The following FADD variants were observed in gnomAD, a reference collection of about 807,000 sequenced individuals.
FADD encodes the protein Fas associated via death domain.
In FADD, 3 loss-of-function variants were observed where a neutral mutation model predicts 5.8. The ratio of observed to expected loss-of-function variants is 0.52; its 90% confidence interval spans 0.24 to 1.34. The LOEUF is 1.34. FADD is among the 40% of genes most tolerant of loss of function. FADD has a pLI of 0.17. For synonymous variants in FADD, 138 were observed against 130.8 expected, an observed-to-expected ratio of 1.06 and a Z score of -0.38; for missense variants, 249 against 286.7, an observed-to-expected ratio of 0.87 and a Z score of 0.95.
Position 70,203,762 on chromosome 11 carries a change from G to A in FADD, c.286+17G>A. Reference sequence around the variant, plus strand: ...GGGAAGAAGGTGGGCGCGGGGCCGGGCCGGGGGAGCCAGGGCCTGGTCGCC... The same window carrying A: ...GGGAAGAAGGTGGGCGCGGGGCCGGACCGGGGGAGCCAGGGCCTGGTCGCC... On this transcript the variant is annotated intron_variant, in intron 1 of 1. Transcript: ENST00000301838. The A allele has an allele frequency of 8.0e-7, 1 of 1,246,390 alleles. No individual in the cohort carries two copies. The highest frequency in any genetic ancestry group is 1.0e-6 in the Non-Finnish European group (1 of 968,444). 77.2% of individuals were successfully genotyped at this position (1,246,390 alleles called of 1,614,324 possible).
intron 1 of FADD, among the ~76,000 whole-genome samples, chr11:70,204,221 T>G (rs925105479): frequency 2.0e-5 from 3 of 152,240 alleles, no homozygotes; most frequent in Non-Finnish European, 2.9e-5. Context: ...TACTGTTAGC[T>G]ATCACTGTTC....
intron 1 of FADD, among the ~76,000 whole-genome samples, chr11:70,205,200 C>G (rs565900939): frequency 3.9e-5 from 6 of 152,294 alleles, no homozygotes; most frequent in Admixed American, 3.3e-4. Context: ...CAAGCAGCAC[C>G]CTGTCCTGCC....
rs565835284 is a variant in FADD, at chr11:70,203,404, G to A, written c.-56G>A. Reference sequence around the variant, plus strand: ...GACCTGGCCAGGGCCAGCGAGCCGAGGACAGAGGGCGCACGGAGGGCCGGG... The same window carrying A: ...GACCTGGCCAGGGCCAGCGAGCCGAAGACAGAGGGCGCACGGAGGGCCGGG... On this transcript the variant is annotated 5_prime_UTR_variant, in exon 1 of 2. Coordinates refer to ENST00000301838, the MANE Select transcript of FADD (RefSeq NM_003824.4). The A allele has an allele frequency of 4.3e-4, 670 of 1,547,166 alleles. 2 individuals carry two copies. The African/African-American group carries it at 8.3e-3, about 19-fold the overall frequency.
At chr11:70,205,450 A>G (rs978392851) in intron 1 of FADD, among the ~76,000 whole-genome samples, 5 of 152,206 alleles carry the variant, frequency 3.3e-5, no homozygotes, top group African/African-American at 1.2e-4. Flanking sequence ...CTCAATCTGG[A>G]GGCCAGAAAT....
chr11:70,204,027 G>C (rs2049441875), intron 1 of FADD, among the ~76,000 whole-genome samples: 1 of 151,912 alleles, frequency 6.6e-6, no homozygotes, highest in Non-Finnish European at 1.5e-5. Context: ...CAGAGAAGGT[G>C]TGGGGGAGGG....
rs2049458574 is a variant in FADD at position 70,206,250 on chromosome 11, G to A, written c.404G>A (p.Arg135His). Residue 135 changes from arginine (R) to histidine (H), a missense_variant, in exon 2 of 2, where the codon CGC (arginine) becomes CAC (histidine). By Grantham distance (29) the Arg-to-His change is conservative. Coordinates refer to ENST00000301838, the MANE Select transcript of FADD (RefSeq NM_003824.4). The part of the protein sequence containing the change: ...KIDSIEDRYP[R>H]NLTERVRESL... Reference sequence around the variant, plus strand: ...GACAGCATCGAGGACAGATACCCCCGCAACCTGACAGAGCGTGTGCGGGAG... The same window carrying A: ...GACAGCATCGAGGACAGATACCCCCACAACCTGACAGAGCGTGTGCGGGAG... 3 of 1,614,142 alleles carry A rather than the reference G, an allele frequency of 1.9e-6. No individual in the cohort carries two copies. The highest frequency in any genetic ancestry group is 2.5e-6 in the Non-Finnish European group (3 of 1,180,026).
rs2049462397 is a variant in FADD at position 70,206,487 on chromosome 11, T to TG, written c.*15dup. 1 of 1,606,270 alleles carries TG rather than the reference T, an allele frequency of 6.2e-7. No individual in the cohort carries two copies. Among genetic ancestry groups the TG allele is most frequent in the African/African-American group, 1.4e-5 (1 of 73,608 alleles). ...GAAGCGTCCTGATGGGCCGCTGCTT[T>TG]GCGCTGGTGGACCACAGGCATCTAC... is the stretch of plus-strand genomic sequence containing the variant. On this transcript the variant is annotated 3_prime_UTR_variant, in exon 2 of 2. Coordinates refer to ENST00000301838, the MANE Select transcript of FADD (RefSeq NM_003824.4).
At chr11:70,205,208 G>A (rs1261126020) in intron 1 of FADD, among the ~76,000 whole-genome samples, 1 of 152,174 alleles carries the variant, frequency 6.6e-6, no homozygotes, top group East Asian at 1.9e-4. Flanking sequence ...ACCCTGTCCT[G>A]CCTCTCCTTT....
At position 70,206,788 on chromosome 11, in the gene FADD, GAGCAGTCACA is replaced by G; in HGVS notation, c.*316_*325del. ...CAGCACAGAAGGAATCTGTGCAGATGAGCAGTCACACTGTTACTCCACAGCGGAGGAGACC... is the reference window on the plus strand; with the variant it reads ...CAGCACAGAAGGAATCTGTGCAGATGCTGTTACTCCACAGCGGAGGAGACC... On this transcript the variant is annotated 3_prime_UTR_variant, in exon 2 of 2. Transcript: ENST00000301838. The G allele has an allele frequency of 2.5e-6, 1 of 402,052 alleles. No individual in the cohort carries two copies. 24.9% of individuals were successfully genotyped at this position (402,052 alleles called of 1,614,324 possible). A position where few individuals can be genotyped will look rare whatever the true frequency, so the allele number is the denominator to read the frequency against.
At chr11:70,206,086 G>C (rs370851505) in intron 1 of FADD, 47 bp from the exon 2 acceptor site, 10 of 1,530,342 alleles carry the variant, frequency 6.5e-6, no homozygotes, top group Non-Finnish European at 9.0e-6. Context: ...TTGTGGGGTC[G>C]CTTGTCTCCA....
Position 70,206,271 on chromosome 11 carries a change from G to A in FADD, c.425G>A (p.Arg142Gln), listed in dbSNP as rs765928771. The change falls in exon 2 of 2, where the codon CGG becomes CAG. Residue 142 changes from arginine to glutamine, a missense_variant. Transcript: ENST00000301838. ...RYPRNLTERV[R>Q]ESLRIWKNTE... ...CCCCGCAACCTGACAGAGCGTGTGC[G>A]GGAGTCACTGAGAATCTGGAAGAAC... is the stretch of plus-strand genomic sequence containing the variant. The A allele has an allele frequency of 2.5e-6, 4 of 1,614,164 alleles. No individual in the cohort carries two copies. Among genetic ancestry groups the A allele is most frequent in the Non-Finnish European group, 3.4e-6 (4 of 1,180,012 alleles).
intron 1 of FADD, among the ~76,000 whole-genome samples, chr11:70,205,912 A>G (rs2049456052): frequency 6.6e-6 from 1 of 151,952 alleles, no homozygotes; most frequent in Admixed American, 6.6e-5. Flanking sequence ...CTCCTAGGAC[A>G]GTATTAGAGA....
chr11:70,203,614 A>G lies in FADD; in HGVS notation c.155A>G (p.Gln52Arg), dbSNP rs752638654. 1 of 1,603,758 alleles carries G rather than the reference A, an allele frequency of 6.2e-7. No homozygotes were observed. The highest frequency in any genetic ancestry group is 8.5e-7 in the Non-Finnish European group (1 of 1,176,580). Residue 52 changes from glutamine (Q) to arginine (R), a missense_variant, in exon 1 of 2, where the codon CAG becomes CGG. Physicochemically the swap from Gln to Arg is conservative, Grantham distance 43 (BLOSUM62 1). Coordinates refer to ENST00000301838, the MANE Select transcript of FADD (RefSeq NM_003824.4). The part of the protein sequence containing the change: ...GLDLFSMLLE[Q>R]NDLEPGHTEL... ...GACCTCTTCTCCATGCTGCTGGAGC[A>G]GAACGACCTGGAGCCCGGGCACACC...
intron 1 of FADD, among the ~76,000 whole-genome samples, chr11:70,204,502 C>T (rs549256464): frequency 2.4e-4 from 36 of 152,302 alleles, no homozygotes; most frequent in Admixed American, 6.5e-4. Flanking sequence ...AGCCCTACCC[C>T]CCTTGTTCTC....
Position 70,203,649 on chromosome 11 carries a change from C to G in FADD, c.190C>G (p.Arg64Gly), listed in dbSNP as rs772665608. The change falls in exon 1 of 2, where the codon CGC becomes GGC. Residue 64 changes from arginine to glycine, a missense_variant. Physicochemically the swap from Arg to Gly is moderately radical, Grantham distance 125. Transcript: ENST00000301838. ...GGAGCCCGGGCACACCGAGCTCCTG[C>G]GCGAGCTGCTCGCCTCCCTGCGGCG... ...DLEPGHTELL[R>G]ELLASLRRHD... The G allele has an allele frequency of 6.4e-7, 1 of 1,569,918 alleles. No homozygotes were observed. Among genetic ancestry groups the G allele is most frequent in the Non-Finnish European group, 8.6e-7 (1 of 1,161,958 alleles).
chr11:70,206,085 C>G, intron 1 of FADD, 48 bp from the exon 2 acceptor site: 1 of 1,519,014 alleles, frequency 6.6e-7, no homozygotes. Context: ...ATTGTGGGGT[C>G]GCTTGTCTCC....
At chr11:70,205,861 C>T (rs1441297443) in intron 1 of FADD, among the ~76,000 whole-genome samples, 2 of 152,208 alleles carry the variant, frequency 1.3e-5, no homozygotes, top group Non-Finnish European at 2.9e-5. Context: ...GGTAGCTCCA[C>T]TACAACTTCC....
Position 70,206,737 on chromosome 11 carries a change from A to C in FADD, c.*264A>C. 2 of 502,770 alleles carry C rather than the reference A, an allele frequency of 4.0e-6. No homozygotes were observed. The highest frequency in any genetic ancestry group is 7.3e-6 in the Non-Finnish European group (2 of 274,962). The allele number at this position is 502,770 out of a possible 1,614,324, so 31.1% of individuals were successfully genotyped here. ...TCTCCACTAAATGAGCTCCTGCGGG[A>C]GTAGTTGGAAAGTTGGAACCGTGTC... On this transcript the variant is annotated 3_prime_UTR_variant, in exon 2 of 2. Coordinates refer to ENST00000301838, the MANE Select transcript of FADD (RefSeq NM_003824.4).
chr11:70,207,338 T>C lies in FADD; in HGVS notation c.*865T>C, dbSNP rs1184936607. On this transcript the variant is annotated 3_prime_UTR_variant, in exon 2 of 2. Transcript: ENST00000301838. Reference sequence around the variant, plus strand: ...TATCTTTAAAAAGCAGTCCTCTTATTCCTAAGGTAATCCTATTAAAACACA... The same window carrying C: ...TATCTTTAAAAAGCAGTCCTCTTATCCCTAAGGTAATCCTATTAAAACACA... 1 of 152,160 alleles carries C rather than the reference T, an allele frequency of 6.6e-6. No individual in the cohort carries two copies. Among genetic ancestry groups the C allele is most frequent in the East Asian group, 1.9e-4 (1 of 5,192 alleles). 9.4% of individuals were successfully genotyped at this position (152,160 alleles called of 1,614,324 possible).
Sources: allele counts gnomAD v4.1 joint callset (sites outside exome capture counted in the v4.1 genomes callset), GRCh38; gene constraint gnomAD v4.1.1; transcripts MANE v1.5; gene names NCBI Gene and HGNC (gene_info 2026-07-23, HGNC 2026-07-21).